CAPN10: variants seen among roughly 807,000 people sequenced by gnomAD.
CAPN10 encodes the protein calpain 10.
In CAPN10, 71 loss-of-function variants were observed where a neutral mutation model predicts 78.4. The ratio of observed to expected loss-of-function variants is 0.91; its 90% CI spans 0.75 to 1.10. The LOEUF is 1.10. CAPN10 is among the 50% of genes least tolerant of loss of function. The pLI, the probability that CAPN10 is intolerant of heterozygous loss-of-function variation, is 0.00. For missense variants in CAPN10, 849 were observed against 924.6 expected (o/e 0.92, Z 1.06); for synonymous variants, 437 against 407.2 (o/e 1.07, Z -0.88).
chr2:240,588,692 A>G (rs1355237501), intron 1 of CAPN10, among the ~76,000 whole-genome samples: 2 of 152,140 alleles, frequency 1.3e-5, no homozygotes, highest in Non-Finnish European at 2.9e-5. Context: ...GTGAATGGGA[A>G]GCAGGTAGTG....
intron 5 of CAPN10, 84 bp from the exon 6 acceptor site, chr2:240,594,459 C>A (rs2093122928): frequency 2.1e-6 from 3 of 1,425,326 alleles, no homozygotes; most frequent in Non-Finnish European, 1.9e-6. Context: ...CTCTGGGTCC[C>A]CTCCAGGCTT....
chr2:240,595,855 GC>G, intron 7 of CAPN10: 1 of 1,038,694 alleles, frequency 9.6e-7, no homozygotes, highest in Non-Finnish European at 1.3e-6. Flanking sequence ...GCGCCTGAGG[GC>G]AAAGGGCCTG....
At chr2:240,590,113 T>C (rs977841950) in intron 2 of CAPN10, 1 of 152,306 alleles carries the variant, frequency 6.6e-6, no homozygotes, top group Non-Finnish European at 1.5e-5. Flanking sequence ...CTTACCAGCT[T>C]TGACTTTTTT....
chr2:240,592,199 C>G, intron 4 of CAPN10, 49 bp downstream of exon 4: 1 of 1,464,982 alleles, frequency 6.8e-7, no homozygotes, highest in African/African-American at 1.4e-5. Context: ...GTGCCCCCCA[C>G]TGCCAGGCCT....
chr2:240,595,359 T>C (rs1423716090), intron 7 of CAPN10, 55 bp downstream of exon 7: 3 of 1,575,264 alleles, frequency 1.9e-6, no homozygotes, highest in Admixed American at 1.7e-5. Context: ...TGGAGGCCCA[T>C]GGAGGTCTGG....
chr2:240,586,765 A>T lies in CAPN10; in HGVS notation c.-147A>T. On this transcript the variant is annotated 5_prime_UTR_variant, in exon 1 of 12. Coordinates refer to ENST00000391984, the MANE Select transcript of CAPN10 (RefSeq NM_023083.4). ...GCGGGCCGGCGTACTGGCCTGGTCCAGCACCTGCGGGGCCCTCGGGCTTGG... is the reference window on the plus strand; with the variant it reads ...GCGGGCCGGCGTACTGGCCTGGTCCTGCACCTGCGGGGCCCTCGGGCTTGG... 2.8e-6 allele frequency: 2 copies of T among 726,364 alleles called. No individual in the cohort carries two copies. Among genetic ancestry groups the T allele is most frequent in the Non-Finnish European group, 3.9e-6 (2 of 516,648 alleles). The allele number at this position is 726,364 out of a possible 1,614,324, so 45.0% of individuals were successfully genotyped here.
At position 240,595,171 on chromosome 2, in the gene CAPN10, T is replaced by G. The variant is rs552159586; in HGVS notation, c.1145T>G (p.Leu382Arg). 6.8e-6 allele frequency: 11 copies of G among 1,613,872 alleles called. No homozygotes were observed. The East Asian group carries it at 2.5e-4, about 36-fold the overall frequency. The change falls in exon 7 of 12, where the codon CTG (leucine) becomes CGG (arginine). Residue 382 changes from leucine to arginine, a missense_variant. By Grantham distance (102) the Leu-to-Arg change is moderately radical. Transcript: ENST00000391984. ...CCGAGTGAGGTGTACATTGCCGTCC[T>G]GCAGAGATCCAGGCTGCACGCGGCG... ...SEPSEVYIAVLQRSRLHAADW... is the reference protein window; with the variant it reads ...SEPSEVYIAVRQRSRLHAADW...
In CAPN10 at chr2:240,596,670, C is replaced by T. The variant is rs770943505; in HGVS notation, c.1482-11C>T. ...GCTGCCAGCGCCCTCCCATGTTTGT[C>T]TTCTTGGCAGCGCCATCAGGGCAGT... On this transcript the variant is annotated splice_polypyrimidine_tract_variant and intron_variant, in intron 8 of 11. Coordinates refer to ENST00000391984, the MANE Select transcript of CAPN10 (RefSeq NM_023083.4). The T allele has an allele frequency of 2.0e-5, 30 of 1,536,126 alleles. No homozygotes were observed. The Admixed American group carries it at 5.2e-4, about 27-fold the overall frequency.
At chr2:240,591,376 A>G (rs2975759) in intron 3 of CAPN10, 23,120 of 253,380 alleles carry the variant, frequency 0.091, 1,265 homozygotes, top group South Asian at 0.11. Context: ...TTGGGGAGGA[A>G]TGAGGCTACC....
rs919859034 is a variant in CAPN10 at position 240,598,747 on chromosome 2, G to C, written c.*67G>C. 6.8e-7 allele frequency: 1 copy of C among 1,462,724 alleles called. No individual in the cohort carries two copies. The highest frequency in any genetic ancestry group is 1.4e-5 in the African/African-American group (1 of 71,606). The allele number at this position is 1,462,724 out of a possible 1,614,324, so 90.6% of individuals were successfully genotyped here. ...GGGCCTGACAGGTTCCCAGCAGCTG[G>C]GCCGGCCAGCCTTGCACTGTGGGGG... On this transcript the variant is annotated 3_prime_UTR_variant, in exon 12 of 12. Transcript: ENST00000391984.
At chr2:240,592,538 G>A (rs1465174729) in intron 4 of CAPN10, 2 of 477,340 alleles carry the variant, frequency 4.2e-6, no homozygotes, top group Admixed American at 2.3e-5. Context: ...GCCAGGTGTG[G>A]TGGCTCACAC....
At chr2:240,596,201 G>T in intron 7 of CAPN10, 118 bp from the exon 8 acceptor site, 1 of 1,473,724 alleles carries the variant, frequency 6.8e-7, no homozygotes, top group South Asian at 1.4e-5. Flanking sequence ...GTGCTGACAG[G>T]CCTTGGCGCT....
chr2:240,586,832 C>G lies in CAPN10; in HGVS notation c.-80C>G. 8.1e-7 allele frequency: 1 copy of G among 1,233,726 alleles called. No individual in the cohort carries two copies. The highest frequency in any genetic ancestry group is 3.2e-5 in the East Asian group (1 of 30,984). 76.4% of individuals were successfully genotyped at this position (1,233,726 alleles called of 1,614,324 possible). Reference sequence around the variant, plus strand: ...GGGAACGGGCGGGGCGGGCCGGAGGCGGCGGCGGCTGACTCGCCTTCTCTC... The same window carrying G: ...GGGAACGGGCGGGGCGGGCCGGAGGGGGCGGCGGCTGACTCGCCTTCTCTC... On this transcript the variant is annotated 5_prime_UTR_variant, in exon 1 of 12. Transcript: ENST00000391984.
Position 240,592,065 on chromosome 2 carries a change from C to G in CAPN10, c.603C>G (p.Gly201=). Residue 201 remains glycine, a synonymous_variant, in exon 4 of 12, where the codon GGC becomes GGG. Coordinates refer to ENST00000391984, the MANE Select transcript of CAPN10 (RefSeq NM_023083.4). ...AGSGGQQDRP[G]RWEHRTCRQL... is the part of the protein sequence containing the mutation. ...GCGGAGGCCAGCAGGACAGGCCAGG[C>G]CGCTGGGAGCACAGGACTTGTCGGC... 6.2e-7 allele frequency: 1 copy of G among 1,607,776 alleles called. No individual in the cohort carries two copies. The highest frequency in any genetic ancestry group is 8.5e-7 in the Non-Finnish European group (1 of 1,178,170).
intron 4 of CAPN10, chr2:240,592,499 A>G (rs1471112323): frequency 1.9e-6 from 1 of 517,380 alleles, no homozygotes; most frequent in East Asian, 5.4e-5. Context: ...CATTCGTTAA[A>G]AACAGTTTGT....
chr2:240,596,156 G>T, intron 7 of CAPN10, 163 bp from the exon 8 acceptor site: 2 of 1,496,970 alleles, frequency 1.3e-6, no homozygotes, highest in Non-Finnish European at 1.8e-6. Context: ...GGGATTGGTG[G>T]GCATCTCTAG....
intron 8 of CAPN10, 33 bp downstream of exon 8, chr2:240,596,554 C>G (rs780556583): frequency 1.3e-6 from 2 of 1,567,414 alleles, no homozygotes; most frequent in Non-Finnish European, 1.7e-6. Flanking sequence ...GCTGGCTCTC[C>G]GAGGCCACAG....
chr2:240,598,440 T>TGCCTGGTGGCC, intron 11 of CAPN10, 43 bp downstream of exon 11: 8 of 1,607,912 alleles, frequency 5.0e-6, no homozygotes, highest in Non-Finnish European at 6.0e-6. Context: ...TGCCTGGGGC[T>TGCCTGGTGGCC]GCCTGGTGGC....
chr2:240,589,420 C>T lies in CAPN10; in HGVS notation c.219C>T (p.Cys73=), dbSNP rs1457117047. The T allele has an allele frequency of 1.2e-6, 2 of 1,613,902 alleles. No individual in the cohort carries two copies. The highest frequency in any genetic ancestry group is 2.7e-5 in the African/African-American group (2 of 74,928). The part of the protein sequence containing the change: ...GQVKQGLLGD[C]WFLCACAALQ... ...TGAAGCAGGGGCTGCTGGGGGATTG[C>T]TGGTTCCTGTGTGCCTGCGCCGCGC... The change falls in exon 2 of 12, where the codon TGC becomes TGT. Residue 73 remains cysteine, a synonymous_variant. Coordinates refer to ENST00000391984, the MANE Select transcript of CAPN10 (RefSeq NM_023083.4).
Sources: gnomAD v4.1 joint callset for allele counts (sites outside exome capture counted in the v4.1 genomes callset) on GRCh38, gnomAD v4.1.1 for gene constraint, MANE v1.5 for transcripts, NCBI Gene and HGNC (gene_info 2026-07-23, HGNC 2026-07-21) for gene names.